PLPPR1: variants seen among roughly 807,000 people sequenced by gnomAD.
The protein encoded by PLPPR1 is phospholipid phosphatase-related protein type 1.
PLPPR1 carries 10 observed loss-of-function variants against 33.1 expected under a neutral mutation model. That is an observed-to-expected ratio of 0.30 (90% CI 0.19 to 0.51). The LOEUF (loss-of-function observed/expected upper bound fraction) is 0.51. Ranked by LOEUF, PLPPR1 falls within the 20% of genes least tolerant of loss-of-function variation. PLPPR1 has a pLI of 0.97. For synonymous variants in PLPPR1, 151 were observed against 151.0 expected (o/e 1.00, Z 0.00); for missense variants, 304 against 408.1 (o/e 0.74, Z 2.20).
chr9:101,283,029 A>C (rs1440231015), intron 3 of PLPPR1, among the ~76,000 whole-genome samples: 1 of 152,078 alleles, frequency 6.6e-6, no homozygotes, highest in Admixed American at 6.6e-5. Flanking sequence ...TAGTGATGGG[A>C]TCTCGCTCTG....
chr9:101,275,918 T>C (rs1285175517), intron 3 of PLPPR1, among the ~76,000 whole-genome samples: 2 of 152,138 alleles, frequency 1.3e-5, no homozygotes, highest in Non-Finnish European at 2.9e-5. Flanking sequence ...CAAACACAAC[T>C]TGATAGAAAG....
At chr9:101,313,650 G>A (rs887903067) in intron 6 of PLPPR1, among the ~76,000 whole-genome samples, 1 of 152,088 alleles carries the variant, frequency 6.6e-6, no homozygotes, top group Non-Finnish European at 1.5e-5. Flanking sequence ...TGGAGGTCTG[G>A]CCACCTGCTC....
At chr9:101,291,517 G>A (rs1410800902) in intron 4 of PLPPR1, among the ~76,000 whole-genome samples, 1 of 152,142 alleles carries the variant, frequency 6.6e-6, no homozygotes, top group Non-Finnish European at 1.5e-5. Context: ...TGACCCCCGA[G>A]CAGCCTAACT....
At chr9:101,297,483 T>C (rs1453118831) in intron 4 of PLPPR1, among the ~76,000 whole-genome samples, 1 of 152,194 alleles carries the variant, frequency 6.6e-6, no homozygotes, top group East Asian at 1.9e-4. Context: ...CTTTAGCAAA[T>C]GCTAATGGTG....
chr9:101,294,173 C>A (rs937119410), intron 4 of PLPPR1, among the ~76,000 whole-genome samples: 7 of 151,998 alleles, frequency 4.6e-5, no homozygotes, highest in African/African-American at 1.7e-4. Context: ...ACTACAAACA[C>A]CTCTATGCAA....
intron 2 of PLPPR1, among the ~76,000 whole-genome samples, chr9:101,241,022 A>G (rs1196060732): frequency 6.6e-6 from 1 of 152,128 alleles, no homozygotes; most frequent in South Asian, 2.1e-4. Context: ...TAGCCACACA[A>G]GTGTTCATGG....
chr9:101,215,378 C>A (rs1461998137), intron 2 of PLPPR1, among the ~76,000 whole-genome samples: 1 of 152,018 alleles, frequency 6.6e-6, no homozygotes, highest in Non-Finnish European at 1.5e-5. Context: ...CTCCCGGGTT[C>A]AAGGGATTCT....
chr9:101,279,098 G>C (rs1828250132), intron 3 of PLPPR1, among the ~76,000 whole-genome samples: 1 of 152,162 alleles, frequency 6.6e-6, no homozygotes. Context: ...TAAAGAAATA[G>C]AGATGTTCGA....
At chr9:101,249,268 C>T (rs899306685) in intron 2 of PLPPR1, among the ~76,000 whole-genome samples, 1 of 152,042 alleles carries the variant, frequency 6.6e-6, no homozygotes, top group Non-Finnish European at 1.5e-5. Flanking sequence ...CTAGAGTTTT[C>T]TCATCTCAGG....
At chr9:101,116,137 C>A (rs937950004) in intron 1 of PLPPR1, among the ~76,000 whole-genome samples, 3 of 152,184 alleles carry the variant, frequency 2.0e-5, no homozygotes, top group African/African-American at 7.2e-5. Context: ...GTCTGAGAGG[C>A]AGGCAACCAG....
chr9:101,083,115 T>A (rs958553526), intron 1 of PLPPR1, among the ~76,000 whole-genome samples: 7 of 152,152 alleles, frequency 4.6e-5, no homozygotes, highest in Non-Finnish European at 1.0e-4. Flanking sequence ...AGCAAATGAA[T>A]CCTGCTTTAT....
intron 2 of PLPPR1, among the ~76,000 whole-genome samples, chr9:101,223,457 C>A (rs927799658): frequency 1.3e-5 from 2 of 152,036 alleles, no homozygotes; most frequent in Non-Finnish European, 2.9e-5. Flanking sequence ...TTAGTTGTAT[C>A]AATTTAAAGA....
intron 2 of PLPPR1, among the ~76,000 whole-genome samples, chr9:101,242,695 G>A (rs1014616923): frequency 6.6e-6 from 1 of 152,044 alleles, no homozygotes; most frequent in Non-Finnish European, 1.5e-5. Flanking sequence ...TGGAGCCATG[G>A]GAGACAGAAG....
chr9:101,300,922 G>A (rs1285076046), intron 4 of PLPPR1, among the ~76,000 whole-genome samples: 1 of 152,204 alleles, frequency 6.6e-6, no homozygotes, highest in Non-Finnish European at 1.5e-5. Context: ...AGGCTAGGTG[G>A]CAAGAGAGAA....
intron 1 of PLPPR1, among the ~76,000 whole-genome samples, chr9:101,083,586 T>A (rs1420717914): frequency 2.6e-5 from 4 of 152,110 alleles, no homozygotes; most frequent in African/African-American, 9.7e-5. Context: ...TCAAGGTAGA[T>A]CTTTAACAAA....
chr9:101,245,929 A>G (rs1827588698), intron 2 of PLPPR1, among the ~76,000 whole-genome samples: 1 of 151,580 alleles, frequency 6.6e-6, no homozygotes, highest in Non-Finnish European at 1.5e-5. Context: ...TTCTAAATAC[A>G]TGGAAAATCC....
At chr9:101,207,991 C>T (rs562156221) in intron 2 of PLPPR1, among the ~76,000 whole-genome samples, 9 of 152,268 alleles carry the variant, frequency 5.9e-5, no homozygotes, top group South Asian at 2.1e-4. Context: ...CTGATGCCTC[C>T]TGCAAAGTTG....
chr9:101,231,676 C>T (rs896008256), intron 2 of PLPPR1, among the ~76,000 whole-genome samples: 3 of 152,026 alleles, frequency 2.0e-5, no homozygotes, highest in African/African-American at 7.2e-5. Context: ...AATTCTCACC[C>T]TTGACAAAGA....
intron 2 of PLPPR1, among the ~76,000 whole-genome samples, chr9:101,223,167 A>T (rs66499149): frequency 2.6e-5 from 3 of 113,652 alleles, no homozygotes; most frequent in South Asian, 3.2e-4. Flanking sequence ...AAAAAAAAAA[A>T]AAAAAGAAAA....
Sources: allele counts gnomAD v4.1 joint callset (sites outside exome capture counted in the v4.1 genomes callset), GRCh38; gene constraint gnomAD v4.1.1; transcripts MANE v1.5; gene names NCBI Gene and HGNC (gene_info 2026-07-23, HGNC 2026-07-21).